The following CTNNA2 variants were observed in gnomAD, a reference collection of about 807,000 sequenced individuals.
The protein encoded by CTNNA2 is catenin alpha-2.
CTNNA2 carries 42 observed loss-of-function variants against 101.0 expected under a neutral mutation model. The observed-to-expected ratio is 0.42, with a 90% CI of 0.32 to 0.54. CTNNA2 has a LOEUF of 0.54. Among genes scored for constraint, CTNNA2 ranks in the 20% least tolerant of loss-of-function variants. The pLI, the probability that CTNNA2 is intolerant of heterozygous loss-of-function variation, is 0.14. For synonymous variants in CTNNA2, 450 were observed against 456.4 expected (o/e 0.99, Z 0.18); for missense variants, 871 against 1,223.1 (o/e 0.71, Z 4.29).
intron 2 of CTNNA2, among the ~76,000 whole-genome samples, chr2:79,732,366 G>C (rs922999746): frequency 4.6e-5 from 7 of 151,986 alleles, no homozygotes; most frequent in Admixed American, 2.0e-4. Flanking sequence ...ATGGGAATTT[G>C]TTCCTAGCAA....
At chr2:80,582,374 G>T (rs1695614439) in intron 14 of CTNNA2, among the ~76,000 whole-genome samples, 1 of 152,096 alleles carries the variant, frequency 6.6e-6, no homozygotes, top group Non-Finnish European at 1.5e-5. Flanking sequence ...TACTCCCATG[G>T]TGGTATTCCT....
chr2:80,030,847 T>G (rs993840925), intron 7 of CTNNA2, among the ~76,000 whole-genome samples: 2 of 150,952 alleles, frequency 1.3e-5, no homozygotes, highest in Non-Finnish European at 3.0e-5. Context: ...TAAAAGGAAA[T>G]CCAGAGAAGA....
At chr2:79,871,126 T>G (rs1271816041) in intron 5 of CTNNA2, among the ~76,000 whole-genome samples, 2 of 152,210 alleles carry the variant, frequency 1.3e-5, no homozygotes, top group East Asian at 3.9e-4. Context: ...CTTCCAGAAT[T>G]TTTTAAAACA....
intron 9 of CTNNA2, among the ~76,000 whole-genome samples, chr2:80,429,013 C>T (rs1171767765): frequency 1.3e-5 from 2 of 152,084 alleles, no homozygotes; most frequent in African/African-American, 4.8e-5. Flanking sequence ...CATAGCAATT[C>T]TGTAAATAAT....
chr2:79,288,798 A>G (rs907414946), intron 2 of CTNNA2, among the ~76,000 whole-genome samples: 41 of 152,234 alleles, frequency 2.7e-4, no homozygotes, highest in African/African-American at 9.4e-4. Flanking sequence ...AGGGTTTGCC[A>G]TATTAAAAGA....
At chr2:79,764,060 T>G (rs1297735122) in intron 3 of CTNNA2, among the ~76,000 whole-genome samples, 1 of 152,140 alleles carries the variant, frequency 6.6e-6, no homozygotes, top group Admixed American at 6.6e-5. Flanking sequence ...AGCTACACAG[T>G]TAAGTGATGA....
At chr2:80,147,971 G>T (rs1246148890) in intron 7 of CTNNA2, among the ~76,000 whole-genome samples, 1 of 152,198 alleles carries the variant, frequency 6.6e-6, no homozygotes, top group African/African-American at 2.4e-5. Context: ...ATGTCTAACA[G>T]TTACACTGAA....
intron 1 of CTNNA2, among the ~76,000 whole-genome samples, chr2:79,616,909 C>A (rs890048613): frequency 2.0e-4 from 29 of 146,344 alleles, no homozygotes; most frequent in African/African-American, 7.5e-4. Flanking sequence ...TTCTTTCTTT[C>A]TTTTTTTTTC....
At chr2:79,806,091 C>A (rs1290278345) in intron 3 of CTNNA2, among the ~76,000 whole-genome samples, 1 of 152,068 alleles carries the variant, frequency 6.6e-6, no homozygotes, top group Non-Finnish European at 1.5e-5. Context: ...CTCTCAAACT[C>A]TTTAGTTAGT....
chr2:80,279,996 C>T (rs1188074388), intron 7 of CTNNA2, among the ~76,000 whole-genome samples: 2 of 151,920 alleles, frequency 1.3e-5, no homozygotes, highest in Non-Finnish European at 2.9e-5. Flanking sequence ...CAGCAACACT[C>T]ACCTAACAGT....
intron 7 of CTNNA2, among the ~76,000 whole-genome samples, chr2:80,241,489 C>A (rs1272891068): frequency 6.6e-6 from 1 of 151,828 alleles, no homozygotes; most frequent in Non-Finnish European, 1.5e-5. Context: ...TCATTATGAG[C>A]TATACAGGTC....
chr2:79,702,485 T>C (rs963592746), intron 2 of CTNNA2, among the ~76,000 whole-genome samples: 2 of 152,166 alleles, frequency 1.3e-5, no homozygotes, highest in Admixed American at 1.3e-4. Flanking sequence ...ACTCCTGCTG[T>C]AGAGGATGAG....
At chr2:80,305,363 G>C in intron 7 of CTNNA2, 3 of 985,270 alleles carry the variant, frequency 3.0e-6, no homozygotes, top group Non-Finnish European at 3.6e-6. Flanking sequence ...AGATCCCTCC[G>C]GGGCTTCATC....
intron 7 of CTNNA2, among the ~76,000 whole-genome samples, chr2:80,281,963 A>G (rs1674417546): frequency 6.6e-6 from 1 of 151,620 alleles, no homozygotes; most frequent in African/African-American, 2.4e-5. Flanking sequence ...TTTAATTTTC[A>G]CCTTGGAATA....
At chr2:79,688,352 T>A (rs1435878550) in intron 2 of CTNNA2, among the ~76,000 whole-genome samples, 1 of 151,914 alleles carries the variant, frequency 6.6e-6, no homozygotes, top group South Asian at 2.1e-4. Flanking sequence ...ATATAAAAAA[T>A]AATTTTGTGT....
chr2:79,211,756 C>T (rs13406500), intron 2 of CTNNA2, among the ~76,000 whole-genome samples: 1 of 151,986 alleles, frequency 6.6e-6, no homozygotes, highest in Non-Finnish European at 1.5e-5. Flanking sequence ...AGAGGCATGA[C>T]ATTCCTGTCT....
rs1045405266 is a variant in CTNNA2 at position 80,330,979 on chromosome 2, G to C, written c.1057-62232G>C. Reference sequence around the variant, plus strand: ...TCTATTTTGGTTCCAAAAGGACCATGCATGCCTATTAGCAAATTCAGAGCA... The same window carrying C: ...TCTATTTTGGTTCCAAAAGGACCATCCATGCCTATTAGCAAATTCAGAGCA... On this transcript the variant is annotated intron_variant, in intron 7 of 18. Transcript: ENST00000402739. 1.2e-4 allele frequency among the ~76,000 whole-genome samples: 18 copies of C among 150,880 alleles called. 1 individual carries two copies. The highest frequency in any genetic ancestry group is 1.9e-4 in the Non-Finnish European group (13 of 67,890).
At chr2:79,699,788 T>TACACACAC (rs377095429) in intron 2 of CTNNA2, among the ~76,000 whole-genome samples, 3 of 120,000 alleles carry the variant, frequency 2.5e-5, no homozygotes, top group East Asian at 2.8e-4. Flanking sequence ...AAGAAAAAAA[T>TACACACAC]ACACACACAC....
chr2:79,485,538 G>A (rs1558678891), intron 4 of CTNNA2, among the ~76,000 whole-genome samples: 1 of 152,136 alleles, frequency 6.6e-6, no homozygotes, highest in African/African-American at 2.4e-5. Context: ...CAAATGACCA[G>A]ATTAAAGAAA....
Sources: gnomAD v4.1 joint callset for allele counts (sites outside exome capture counted in the v4.1 genomes callset) on GRCh38, gnomAD v4.1.1 for gene constraint, MANE v1.5 for transcripts, NCBI Gene and HGNC (gene_info 2026-07-23, HGNC 2026-07-21) for gene names.